The following PPP4R1 variants were observed in gnomAD, a reference collection of about 807,000 sequenced individuals.
PPP4R1 encodes the protein protein phosphatase 4 regulatory subunit 1.
PPP4R1 carries 42 observed loss-of-function variants against 111.2 expected under a neutral mutation model. That is an observed-to-expected ratio of 0.38 (90% confidence interval 0.29 to 0.49). The LOEUF is 0.49. Ranked by LOEUF, PPP4R1 falls within the 20% of genes least tolerant of loss-of-function variation. PPP4R1 has a pLI of 0.97. For missense variants in PPP4R1, 1,012 were observed against 1,161.6 expected (o/e 0.87, Z 1.87); for synonymous variants, 409 against 405.5 (o/e 1.01, Z -0.10).
chr18:9,555,850 T>C (rs147418575), intron 15 of PPP4R1, among the ~76,000 whole-genome samples: 4 of 151,822 alleles, frequency 2.6e-5, no homozygotes, highest in East Asian at 3.9e-4. Flanking sequence ...ATCAGAAAAA[T>C]TTTAGGCCAG....
intron 6 of PPP4R1, chr18:9,587,556 C>T (rs908679152): frequency 6.6e-6 from 1 of 152,252 alleles, no homozygotes; most frequent in Admixed American, 6.6e-5. Context: ...GCATGTGCCA[C>T]CACACCTGGC....
intron 13 of PPP4R1, among the ~76,000 whole-genome samples, chr18:9,561,505 TACC>T (rs1160774071): frequency 6.6e-6 from 1 of 152,130 alleles, no homozygotes; most frequent in Non-Finnish European, 1.5e-5. Flanking sequence ...AAGGCACAGC[TACC>T]ACATTTCAAT....
At chr18:9,556,722 T>C (rs1042723097) in intron 15 of PPP4R1, among the ~76,000 whole-genome samples, 1 of 152,202 alleles carries the variant, frequency 6.6e-6, no homozygotes, top group African/African-American at 2.4e-5. Context: ...GCCTCCAAAC[T>C]TAATACACAG....
intron 19 of PPP4R1, 42 bp from the exon 20 acceptor site, chr18:9,547,994 C>A (rs768151379): frequency 6.3e-7 from 1 of 1,594,804 alleles, no homozygotes; most frequent in East Asian, 2.2e-5. Context: ...ACCAGTCCAA[C>A]GGAACACTTC....
intron 9 of PPP4R1, among the ~76,000 whole-genome samples, chr18:9,582,152 G>C (rs1568109869): frequency 6.6e-6 from 1 of 151,732 alleles, no homozygotes; most frequent in Admixed American, 6.6e-5. Context: ...GGAAAAAGAA[G>C]CAAAATAAAC....
At chr18:9,572,080 T>C (rs1328921759) in intron 10 of PPP4R1, among the ~76,000 whole-genome samples, 1 of 152,302 alleles carries the variant, frequency 6.6e-6, no homozygotes, top group South Asian at 2.1e-4. Flanking sequence ...ACTTATTGCA[T>C]GCTGCAGGTA....
chr18:9,561,914 A>G, intron 13 of PPP4R1, 66 bp downstream of exon 13: 1 of 1,330,202 alleles, frequency 7.5e-7, no homozygotes, highest in East Asian at 2.3e-5. Flanking sequence ...AAATTAGGTC[A>G]GAAATGGGCT....
In PPP4R1 at chr18:9,589,469, A is replaced by G. The variant is rs142911624; in HGVS notation, c.296-616T>C. Among the ~76,000 whole-genome samples the G allele has an allele frequency of 4.5e-4, 69 of 152,376 alleles. 1 individual carries two copies. Among genetic ancestry groups the G allele is most frequent in the Middle Eastern group, 6.8e-3 (2 of 294 alleles). On this transcript the variant is annotated intron_variant, in intron 4 of 19. Transcript: ENST00000400556. ...AATGTCTAAGAAGCAACAGTAGGAA[A>G]ATCAGCTAGTTAGCACGGAACAAAA...
At chr18:9,615,324 G>C (rs1373600138), upstream of PPP4R1, 2 of 152,278 alleles carry the variant, frequency 1.3e-5, no homozygotes, top group Non-Finnish European at 2.9e-5. Context: ...TCCTGATTCA[G>C]CCAGTTAATT....
At chr18:9,550,533 G>C in intron 16 of PPP4R1, 135 bp from the exon 17 acceptor site, 1 of 974,520 alleles carries the variant, frequency 1.0e-6, no homozygotes, top group Non-Finnish European at 1.5e-6. Flanking sequence ...GAGTGATTAA[G>C]CAGACCTCTC....
chr18:9,593,702 T>C (rs970544848), intron 4 of PPP4R1, 66 bp downstream of exon 4: 3 of 1,410,616 alleles, frequency 2.1e-6, no homozygotes, highest in African/African-American at 1.4e-5. Flanking sequence ...CATTAGTTTT[T>C]AGAAACACAA....
intron 19 of PPP4R1, among the ~76,000 whole-genome samples, 196 bp from the exon 20 acceptor site, chr18:9,548,148 T>A (rs1258123661): frequency 6.6e-6 from 1 of 152,188 alleles, no homozygotes; most frequent in Non-Finnish European, 1.5e-5. Flanking sequence ...ATGAGATTTA[T>A]CTTGTTTTTA....
chr18:9,584,717 A>T lies in PPP4R1; in HGVS notation c.693+4T>A. ...ACAGCAGAAAAAAAACGACAAAAAAATACCTTTCGAACGTGAAACATTCTG... is the reference window on the plus strand; with the variant it reads ...ACAGCAGAAAAAAAACGACAAAAAATTACCTTTCGAACGTGAAACATTCTG... On this transcript the variant is annotated splice_donor_region_variant and intron_variant, in intron 7 of 19. Transcript: ENST00000400556. 1 of 1,613,262 alleles carries T rather than the reference A, an allele frequency of 6.2e-7. No homozygotes were observed. Among genetic ancestry groups the T allele is most frequent in the African/African-American group, 1.3e-5 (1 of 75,032 alleles).
intron 10 of PPP4R1, among the ~76,000 whole-genome samples, chr18:9,574,887 T>C (rs541297328): frequency 1.3e-5 from 2 of 152,202 alleles, no homozygotes; most frequent in Non-Finnish European, 2.9e-5. Context: ...TAAGAGAACA[T>C]GGTGCATTCA....
Position 9,563,505 on chromosome 18 carries a change from T to A in PPP4R1, c.1619A>T (p.Asp540Val). Residue 540 changes from aspartate to valine, a missense_variant, in exon 12 of 20, where the codon GAT (aspartate) becomes GTT (valine). Transcript: ENST00000400556. Reference sequence around the variant, plus strand: ...TATACTGATGGTCTCTTCATGTGCATCCAGGCTGGAAGCACGTAGTGCAGC... The same window carrying A: ...TATACTGATGGTCTCTTCATGTGCAACCAGGCTGGAAGCACGTAGTGCAGC... ...LSAALRASSL[D>V]AHEETISIEK... 3 of 1,608,664 alleles carry A rather than the reference T, an allele frequency of 1.9e-6. No homozygotes were observed. The highest frequency in any genetic ancestry group is 2.2e-5 in the South Asian group (2 of 90,894).
intron 15 of PPP4R1, among the ~76,000 whole-genome samples, chr18:9,554,344 G>A (rs1307248198): frequency 6.6e-6 from 1 of 151,924 alleles, no homozygotes; most frequent in Non-Finnish European, 1.5e-5. Flanking sequence ...AGCCAGGATG[G>A]TCTCGATCTC....
intron 14 of PPP4R1, among the ~76,000 whole-genome samples, chr18:9,558,931 G>A (rs948626693): frequency 6.6e-6 from 1 of 152,106 alleles, no homozygotes; most frequent in African/African-American, 2.4e-5. Context: ...TGGGGATGAG[G>A]AGAGAGCAAG....
chr18:9,555,988 AC>A (rs2066572078), intron 15 of PPP4R1, among the ~76,000 whole-genome samples: 9 of 75,772 alleles, frequency 1.2e-4, no homozygotes, highest in Admixed American at 4.3e-4. Context: ...AAACAAACAA[AC>A]AAACAAACAA....
At chr18:9,556,147 G>C (rs117007270) in intron 15 of PPP4R1, among the ~76,000 whole-genome samples, 1 of 148,598 alleles carries the variant, frequency 6.7e-6, no homozygotes, top group Non-Finnish European at 1.5e-5. Context: ...GTGACAGAGC[G>C]AGACTCCGAA....
Sources: allele counts gnomAD v4.1 joint callset (sites outside exome capture counted in the v4.1 genomes callset), GRCh38; gene constraint gnomAD v4.1.1; transcripts MANE v1.5; gene names NCBI Gene and HGNC (gene_info 2026-07-23, HGNC 2026-07-21).